The following TGS1 variants were observed in gnomAD, a reference collection of about 807,000 sequenced individuals.
TGS1 encodes the protein trimethylguanosine synthase.
A neutral mutation model predicts 92.2 loss-of-function variants in TGS1; 69 were observed. That is an observed-to-expected ratio of 0.75 (90% CI 0.62 to 0.91). TGS1 has a LOEUF of 0.91. TGS1 is among the 40% of genes least tolerant of loss of function. The pLI is 0.00. For missense variants in TGS1, 1,062 were observed against 1,001.2 expected, an observed-to-expected ratio of 1.06 and a Z score of -0.82; for synonymous variants, 345 against 338.1, an observed-to-expected ratio of 1.02 and a Z score of -0.22.
intron 1 of TGS1, among the ~76,000 whole-genome samples, chr8:55,780,549 A>C (rs983252697): frequency 6.6e-6 from 1 of 152,156 alleles, no homozygotes; most frequent in East Asian, 1.9e-4. Flanking sequence ...TAAAGTCACA[A>C]TAGTTCCCTT....
chr8:55,777,796 A>G (rs564357059), intron 1 of TGS1, among the ~76,000 whole-genome samples: 2 of 152,248 alleles, frequency 1.3e-5, no homozygotes, highest in South Asian at 4.1e-4. Flanking sequence ...TGGCCTCCCA[A>G]AGTGCTGGGA....
intron 12 of TGS1, among the ~76,000 whole-genome samples, chr8:55,818,135 A>G (rs528282677): frequency 2.0e-4 from 30 of 152,344 alleles, no homozygotes; most frequent in African/African-American, 7.0e-4. Context: ...TGTTATCACA[A>G]TATTAGCTCA....
rs1250537406 is a variant in TGS1, at chr8:55,786,312, G to A, written c.414G>A (p.Val138=). The A allele has an allele frequency of 6.3e-7, 1 of 1,591,522 alleles. No individual in the cohort carries two copies. Among genetic ancestry groups the A allele is most frequent in the Non-Finnish European group, 8.6e-7 (1 of 1,167,262 alleles). ...KHQKKYLDEI[V]QESWRKEYEE... ...AAAAGAAATACTTAGATGAAATTGT[G>A]CAAGAATCTTGGAGAAAAGAATATG... The change falls in exon 4 of 13, where the codon GTG becomes GTA. Residue 138 remains valine, a synonymous_variant. Transcript: ENST00000260129.
chr8:55,824,752 A>G lies in TGS1; in HGVS notation c.*49A>G. ...AGATCATGGAGTGGTCAAAATATTC[A>G]GATGAGACATTTGGCATGTCTTCCT... On this transcript the variant is annotated 3_prime_UTR_variant, in exon 13 of 13. Transcript: ENST00000260129. The G allele has an allele frequency of 6.2e-7, 1 of 1,601,724 alleles. No individual in the cohort carries two copies. The highest frequency in any genetic ancestry group is 8.5e-7 in the Non-Finnish European group (1 of 1,172,388).
chr8:55,813,978 C>T (rs1045305210), intron 12 of TGS1, among the ~76,000 whole-genome samples: 3 of 152,032 alleles, frequency 2.0e-5, no homozygotes, highest in Non-Finnish European at 4.4e-5. Context: ...GAGACCATAT[C>T]GCTCTATCAC....
chr8:55,808,614 TTCTTCTGCCTCAGCCTCCCATATAGC>T (rs1171887399), intron 10 of TGS1, among the ~76,000 whole-genome samples: 1 of 152,000 alleles, frequency 6.6e-6, no homozygotes, highest in Non-Finnish European at 1.5e-5. Flanking sequence ...GTTCAAGTGA[TTCTTCTGCCTCAGCCTCCCATATAGC>T]TGGGACTGCA....
Position 55,786,475 on chromosome 8 carries a change from G to A in TGS1, c.577G>A (p.Glu193Lys), listed in dbSNP as rs1264548131. 6.2e-7 allele frequency: 1 copy of A among 1,614,002 alleles called. No individual in the cohort carries two copies. Among genetic ancestry groups the A allele is most frequent in the Admixed American group, 1.7e-5 (1 of 59,990 alleles). ...PVENTLSPKL[E>K]ITEKWEKYWN... ...TGAAAACACATTATCTCCAAAGCTA[G>A]AAATTACAGAGAAATGGGAAAAGTA... is the stretch of plus-strand genomic sequence containing the variant. Residue 193 changes from glutamate to lysine, a missense_variant, in exon 4 of 13, where the codon GAA becomes AAA. Physicochemically the swap from Glu to Lys is moderately conservative, Grantham distance 56. Coordinates refer to ENST00000260129, the MANE Select transcript of TGS1 (RefSeq NM_024831.8).
At chr8:55,776,075 G>T (rs554937002) in intron 1 of TGS1, among the ~76,000 whole-genome samples, 1 of 152,100 alleles carries the variant, frequency 6.6e-6, no homozygotes, top group South Asian at 2.1e-4. Context: ...GGGTTTATTC[G>T]GCCAGGAGCA....
At chr8:55,808,027 CT>C (rs1803226983) in intron 10 of TGS1, among the ~76,000 whole-genome samples, 1 of 152,156 alleles carries the variant, frequency 6.6e-6, no homozygotes, top group African/African-American at 2.4e-5. Context: ...AGACTCAGTC[CT>C]TGCTCGGTCT....
chr8:55,796,259 AG>A, intron 7 of TGS1, 107 bp downstream of exon 7: 1 of 867,238 alleles, frequency 1.2e-6, no homozygotes, highest in Non-Finnish European at 1.7e-6. Flanking sequence ...CCAGGTATCA[AG>A]GTACATAATT....
rs1811562777 is a variant in TGS1 at position 55,781,538 on chromosome 8, C to T, written c.102-1210C>T. Reference sequence around the variant, plus strand: ...TACTGGTCCTCTCCTCCACCTGACACTTCAGTGCCTCATATCTTTAGGTGC... The same window carrying T: ...TACTGGTCCTCTCCTCCACCTGACATTTCAGTGCCTCATATCTTTAGGTGC... On this transcript the variant is annotated intron_variant, in intron 1 of 12. Coordinates refer to ENST00000260129, the MANE Select transcript of TGS1 (RefSeq NM_024831.8). Among the ~76,000 whole-genome samples, 3 of 152,344 alleles carry T rather than the reference C, an allele frequency of 2.0e-5. No individual in the cohort carries two copies. The South Asian group carries it at 6.2e-4, about 32-fold the overall frequency.
intron 1 of TGS1, among the ~76,000 whole-genome samples, chr8:55,779,945 C>T (rs1811518297): frequency 6.6e-6 from 1 of 151,398 alleles, no homozygotes; most frequent in Non-Finnish European, 1.5e-5. Context: ...CAACCTCCAC[C>T]CTCTGGGTTC....
At chr8:55,816,705 T>A (rs976235026) in intron 12 of TGS1, among the ~76,000 whole-genome samples, 1 of 152,146 alleles carries the variant, frequency 6.6e-6, no homozygotes, top group African/African-American at 2.4e-5. Flanking sequence ...CTTCCATGGC[T>A]TCCCCAGGCA....
At chr8:55,796,543 C>T (rs1361447107) in intron 7 of TGS1, among the ~76,000 whole-genome samples, 1 of 151,738 alleles carries the variant, frequency 6.6e-6, no homozygotes, top group Non-Finnish European at 1.5e-5. Flanking sequence ...ACAAAATTAG[C>T]TGAGCATGGT....
chr8:55,782,074 C>T (rs1479919473), intron 1 of TGS1, among the ~76,000 whole-genome samples: 1 of 152,134 alleles, frequency 6.6e-6, no homozygotes, highest in African/African-American at 2.4e-5. Flanking sequence ...CACTGTTATT[C>T]ACAACAAAAT....
At chr8:55,802,847 G>GC (rs1187831964) in intron 9 of TGS1, among the ~76,000 whole-genome samples, 1 of 152,012 alleles carries the variant, frequency 6.6e-6, no homozygotes, top group Non-Finnish European at 1.5e-5. Context: ...ATTTGCTAAG[G>GC]ACAAGTATAT....
intron 1 of TGS1, among the ~76,000 whole-genome samples, 190 bp downstream of exon 1, chr8:55,773,909 A>G (rs1028415195): frequency 2.0e-5 from 3 of 152,204 alleles, no homozygotes; most frequent in African/African-American, 7.2e-5. Context: ...TTTTTATGTG[A>G]AGGACTACAT....
intron 5 of TGS1, among the ~76,000 whole-genome samples, chr8:55,791,084 G>C (rs529397790): frequency 1.3e-5 from 2 of 152,182 alleles, no homozygotes; most frequent in Middle Eastern, 3.4e-3. Flanking sequence ...TGTATAGATA[G>C]GAACACTGAG....
At chr8:55,780,201 G>A (rs944063321) in intron 1 of TGS1, among the ~76,000 whole-genome samples, 20 of 138,676 alleles carry the variant, frequency 1.4e-4, no homozygotes, top group Non-Finnish European at 2.4e-4. Flanking sequence ...TCAGAGATTC[G>A]CTCTGCTGCT....
Sources: allele counts gnomAD v4.1 joint callset (sites outside exome capture counted in the v4.1 genomes callset), GRCh38; gene constraint gnomAD v4.1.1; transcripts MANE v1.5; gene names NCBI Gene and HGNC (gene_info 2026-07-23, HGNC 2026-07-21).